The following ARHGEF4 variants were observed in gnomAD, a reference collection of about 807,000 sequenced individuals.
ARHGEF4 encodes the protein APC-stimulated guanine nucleotide exchange factor 1.
Under a neutral mutation model 162.0 loss-of-function variants are expected in ARHGEF4, and 119 were observed. The observed-to-expected ratio is 0.73, with a 90% CI of 0.63 to 0.86. ARHGEF4 has a LOEUF of 0.86. Among genes scored for constraint, ARHGEF4 ranks in the 40% least tolerant of loss-of-function variants. The pLI is 0.00. For synonymous variants in ARHGEF4, 1,014 were observed against 979.9 expected, an observed-to-expected ratio of 1.03 and a Z score of -0.65; for missense variants, 2,488 against 2,456.0, an observed-to-expected ratio of 1.01 and a Z score of -0.28.
chr2:131,036,787 A>G (rs1573686411), intron 5 of ARHGEF4, among the ~76,000 whole-genome samples: 1 of 152,138 alleles, frequency 6.6e-6, no homozygotes, highest in Non-Finnish European at 1.5e-5. Flanking sequence ...TCACCTCCTG[A>G]CAGCCTGTGT....
chr2:130,914,153 C>A lies in ARHGEF4; in HGVS notation c.207C>A (p.Asp69Glu), dbSNP rs1681355740. The change falls in exon 2 of 14, where the codon GAC (aspartate) becomes GAA (glutamate). Residue 69 changes from aspartate (D) to glutamate (E), a missense_variant. Physicochemically the swap from Asp to Glu is conservative, Grantham distance 45. Transcript: ENST00000409359. ...QSESGSDTKT[D>E]PFESASDTES... ...AAAGTGGATCAGACACAAAAACTGA[C>A]CCCTTTGAAAGTGCCTCTGACACAG... The A allele has an allele frequency of 3.3e-6, 5 of 1,536,134 alleles. No homozygotes were observed. Among genetic ancestry groups the A allele is most frequent in the Non-Finnish European group, 4.4e-6 (5 of 1,146,904 alleles).
chr2:130,838,860 G>T (rs1680403274), intron 1 of ARHGEF4, among the ~76,000 whole-genome samples: 1 of 152,196 alleles, frequency 6.6e-6, no homozygotes, highest in African/African-American at 2.4e-5. Context: ...AGTGTGGCTG[G>T]AGGAGAGACC....
chr2:130,919,013 G>A (rs1681704919), intron 2 of ARHGEF4, among the ~76,000 whole-genome samples: 1 of 152,198 alleles, frequency 6.6e-6, no homozygotes, highest in Non-Finnish European at 1.5e-5. Flanking sequence ...CAGGGCTTAT[G>A]GGGCAGTTTG....
intron 3 of ARHGEF4, among the ~76,000 whole-genome samples, chr2:130,933,214 CAAAAA>C (rs34411956): frequency 7.3e-6 from 1 of 136,636 alleles, no homozygotes. Context: ...GACCCTGTCT[CAAAAA>C]AAAAAAAAAA....
intron 2 of ARHGEF4, among the ~76,000 whole-genome samples, chr2:130,919,545 A>G (rs1681737661): frequency 6.6e-6 from 1 of 152,182 alleles, no homozygotes; most frequent in East Asian, 1.9e-4. Flanking sequence ...GTAGTCAAAA[A>G]AAGATTTTAC....
intron 4 of ARHGEF4, among the ~76,000 whole-genome samples, chr2:130,977,700 GTGT>G (rs1440650213): frequency 6.6e-6 from 1 of 151,786 alleles, no homozygotes. Context: ...TTGTGCAAAC[GTGT>G]TTTTTTTGCA....
chr2:131,019,691 T>A (rs899454905), intron 4 of ARHGEF4, among the ~76,000 whole-genome samples: 1 of 152,128 alleles, frequency 6.6e-6, no homozygotes, highest in Non-Finnish European at 1.5e-5. Flanking sequence ...TGGAGTGCAG[T>A]GGCGCGATCT....
At chr2:131,001,724 T>G (rs1687783782) in intron 4 of ARHGEF4, among the ~76,000 whole-genome samples, 1 of 152,150 alleles carries the variant, frequency 6.6e-6, no homozygotes, top group Non-Finnish European at 1.5e-5. Flanking sequence ...CCAAGAAACA[T>G]GGAAACGGCA....
intron 4 of ARHGEF4, 112 bp from the exon 5 acceptor site, chr2:131,027,833 C>A: frequency 5.3e-6 from 7 of 1,308,926 alleles, no homozygotes; most frequent in Non-Finnish European, 7.4e-6. Flanking sequence ...CTGCACGCTC[C>A]CCCTGCAGAA....
At chr2:131,030,347 G>A (rs1689765831) in intron 5 of ARHGEF4, among the ~76,000 whole-genome samples, 1 of 152,170 alleles carries the variant, frequency 6.6e-6, no homozygotes, top group Admixed American at 6.5e-5. Flanking sequence ...CAAAAAATGA[G>A]GCTCTGTCAT....
In ARHGEF4 at chr2:131,036,886, G is replaced by C. The variant is rs370405307; in HGVS notation, c.4126-1967G>C. 9.2e-5 allele frequency among the ~76,000 whole-genome samples: 14 copies of C among 152,242 alleles called. No homozygotes were observed. The East Asian group carries it at 2.7e-3, about 29-fold the overall frequency. On this transcript the variant is annotated intron_variant, in intron 5 of 13. Transcript: ENST00000409359. ...CCATGTCTGCTTCCTTCTTTCCCTG[G>C]AGCCTCATTCTTCAGGGCCTCAGCG...
At chr2:130,942,205 A>G (rs1004404737) in intron 3 of ARHGEF4, among the ~76,000 whole-genome samples, 55 of 136,532 alleles carry the variant, frequency 4.0e-4, no homozygotes, top group African/African-American at 1.4e-3. Context: ...GCTGGAGTGC[A>G]GTGGTGTGAT....
chr2:131,020,781 T>G (rs1689074540), intron 4 of ARHGEF4, among the ~76,000 whole-genome samples: 1 of 152,188 alleles, frequency 6.6e-6, no homozygotes, highest in Non-Finnish European at 1.5e-5. Context: ...ACTTCCACAA[T>G]GGTTAAACTA....
intron 1 of ARHGEF4, among the ~76,000 whole-genome samples, chr2:130,886,673 T>A (rs896612808): frequency 7.0e-6 from 1 of 143,844 alleles, no homozygotes; most frequent in African/African-American, 2.7e-5. Context: ...AGACCGAGAC[T>A]CTGTCTCAAA....
Position 131,045,391 on chromosome 2 carries a change from G to C in ARHGEF4, c.5424G>C (p.Gln1808His). The change falls in exon 13 of 14, where the codon CAG becomes CAC. Residue 1808 changes from glutamine to histidine, a missense_variant. Physicochemically the swap from Gln to His is conservative, Grantham distance 24 (BLOSUM62 0). Transcript: ENST00000409359. ...CAGGCTTCTCCATCACTGAACTGCA[G>C]AGGAAGCAGGCCATGCTGAATGCCA... ...QETGFSITEL[Q>H]RKQAMLNASK... 5 of 1,613,446 alleles carry C rather than the reference G, an allele frequency of 3.1e-6. No individual in the cohort carries two copies. The highest frequency in any genetic ancestry group is 3.4e-6 in the Non-Finnish European group (4 of 1,179,964).
Position 130,915,285 on chromosome 2 carries a change from G to A in ARHGEF4, c.1339G>A (p.Val447Met). Residue 447 changes from valine (V) to methionine (M), a missense_variant, in exon 2 of 14, where the codon GTG becomes ATG. By Grantham distance (21) the Val-to-Met change is conservative. Coordinates refer to ENST00000409359, the MANE Select transcript of ARHGEF4 (RefSeq NM_001367493.1). ...GGCTTCATGCCTCACCTCAGAGTTA[G>A]TGAAGCTCAGTGCAGAGGAAGTGCC... ...LVASCLTSEL[V>M]KLSAEEVPEP... The A allele has an allele frequency of 6.4e-7, 1 of 1,550,660 alleles. No individual in the cohort carries two copies. Among genetic ancestry groups the A allele is most frequent in the Non-Finnish European group, 8.7e-7 (1 of 1,147,016 alleles).
Position 130,931,205 on chromosome 2 carries a change from C to T in ARHGEF4, c.3806C>T (p.Ala1269Val), listed in dbSNP as rs143834469. Residue 1269 changes from alanine (A) to valine (V), a missense_variant, in exon 3 of 14, where the codon GCC becomes GTC. Around this residue, in one of 6 missense-constraint regions of ARHGEF4, gnomAD observed 1,642 missense variants for 1,481.5 expected, o/e 1.11. Transcript: ENST00000409359. ...CAGAGAAAGAAGTTGCAGAAGCAGG[C>T]CCACGTCGAAAGGAGGCTGCACATA... ...KTQRKKLQKQ[A>V]HVERRLHIGA... The T allele has an allele frequency of 3.7e-6, 6 of 1,613,718 alleles. No homozygotes were observed. In the African/African-American group the frequency reaches 6.7e-5, roughly 18 times the overall value.
In ARHGEF4 at chr2:131,044,412, C is replaced by T. The variant is rs764192081; in HGVS notation, c.5271C>T (p.Asn1757=). Residue 1757 remains asparagine, a synonymous_variant, in exon 12 of 14, where the codon AAC becomes AAT. Transcript: ENST00000409359. ...KDRDLHVSIK[N]AFRLHRGATG... Reference sequence around the variant, plus strand: ...GAGACCTCCATGTGAGCATCAAGAACGCCTTCCGGCTGCACCGTGGCGCCA... The same window carrying T: ...GAGACCTCCATGTGAGCATCAAGAATGCCTTCCGGCTGCACCGTGGCGCCA... 35 of 1,575,746 alleles carry T rather than the reference C, an allele frequency of 2.2e-5. No individual in the cohort carries two copies. Among genetic ancestry groups the T allele is most frequent in the Middle Eastern group, 1.7e-4 (1 of 6,020 alleles).
intron 4 of ARHGEF4, among the ~76,000 whole-genome samples, chr2:130,969,177 T>G (rs1685198096): frequency 6.6e-6 from 1 of 152,150 alleles, no homozygotes; most frequent in Admixed American, 6.5e-5. Context: ...TAAAGCTGAT[T>G]TTATAATAAA....
Sources: allele counts gnomAD v4.1 joint callset (sites outside exome capture counted in the v4.1 genomes callset), GRCh38; gene constraint gnomAD v4.1.1; regional missense constraint gnomAD v4.1.1; transcripts MANE v1.5; gene names NCBI Gene and HGNC (gene_info 2026-07-23, HGNC 2026-07-21).